The following HBEGF variants were observed in gnomAD, a reference collection of about 807,000 sequenced individuals.
The protein encoded by HBEGF is proheparin-binding EGF-like growth factor.
In HBEGF, 8 loss-of-function variants were observed where a neutral mutation model predicts 19.5. That is an observed-to-expected ratio of 0.41 (90% CI 0.24 to 0.74). HBEGF has a LOEUF of 0.74. Ranked by LOEUF, HBEGF falls within the 30% of genes least tolerant of loss-of-function variation. The pLI is 0.32. For synonymous variants in HBEGF, 97 were observed against 108.9 expected (o/e 0.89, Z 0.68); for missense variants, 207 against 256.9 (o/e 0.81, Z 1.33).
intron 3 of HBEGF, among the ~76,000 whole-genome samples, chr5:140,337,174 A>G (rs1473575461): frequency 6.6e-6 from 1 of 152,228 alleles, no homozygotes; most frequent in Non-Finnish European, 1.5e-5. Flanking sequence ...TGAAGCTCTT[A>G]GAAAGACTCA....
chr5:140,335,829 G>C, intron 4 of HBEGF, 43 bp downstream of exon 4: 2 of 1,601,468 alleles, frequency 1.2e-6, no homozygotes, highest in Non-Finnish European at 1.7e-6. Context: ...GGAAGAAAGG[G>C]AGTGATTTGC....
At position 140,333,016 on chromosome 5, in the gene HBEGF, C is replaced by G. The variant is rs931042878; in HGVS notation, c.*1283G>C. On this transcript the variant is annotated 3_prime_UTR_variant, in exon 6 of 6. Coordinates refer to ENST00000230990, the MANE Select transcript of HBEGF (RefSeq NM_001945.3). The stretch of plus-strand genomic sequence containing the variant: ...GGATTATACAAAGCCTTCCCCACCT[C>G]CAACCTTCTCGGTAGCAATTGGCAG... 2.0e-5 allele frequency: 3 copies of G among 152,592 alleles called. No homozygotes were observed. Among genetic ancestry groups the G allele is most frequent in the African/African-American group, 7.2e-5 (3 of 41,420 alleles). 9.5% of individuals were successfully genotyped at this position (152,592 alleles called of 1,614,324 possible).
intron 2 of HBEGF, 188 bp from the exon 3 acceptor site, chr5:140,343,000 G>C: frequency 1.6e-6 from 1 of 611,202 alleles, no homozygotes; most frequent in South Asian, 2.1e-5. Flanking sequence ...ACCAGAAAGA[G>C]GGAACCTCGG....
Position 140,346,211 on chromosome 5 carries a change from C to G in HBEGF, c.46+72G>C. ...GTGGCCCGTGCCGGGTGCGCTGCGG[C>G]GACCTTCCCCCATGCCCCCAGCACA... On this transcript the variant is annotated intron_variant, in intron 1 of 5. Coordinates refer to ENST00000230990, the MANE Select transcript of HBEGF (RefSeq NM_001945.3). The surrounding 1 kb of genome is among the most constrained non-coding windows in gnomAD (Gnocchi z 6.1). 2 of 1,556,500 alleles carry G rather than the reference C, an allele frequency of 1.3e-6. No homozygotes were observed. The highest frequency in any genetic ancestry group is 1.2e-5 in the South Asian group (1 of 85,886).
At chr5:140,344,094 T>C (rs879853432) in intron 2 of HBEGF, among the ~76,000 whole-genome samples, 5 of 151,056 alleles carry the variant, frequency 3.3e-5, no homozygotes, top group East Asian at 1.9e-4. Context: ...GCTGAGATCG[T>C]GCCATTGCAC....
intron 4 of HBEGF, 44 bp from the exon 5 acceptor site, chr5:140,334,792 A>G (rs369906951): frequency 1.7e-4 from 247 of 1,438,216 alleles, no homozygotes; most frequent in Middle Eastern, 8.7e-4. Context: ...CTGCTATGAC[A>G]AAGTGCAGGT....
intron 3 of HBEGF, among the ~76,000 whole-genome samples, chr5:140,339,613 C>T (rs553806568): frequency 1.3e-3 from 201 of 152,164 alleles, no homozygotes; most frequent in African/African-American, 4.3e-3. Context: ...AGGCTGGTCT[C>T]GAACTCCTGA....
rs1766395031 is a variant in HBEGF, at chr5:140,346,072, A to C, written c.59T>G (p.Leu20Arg). The C allele has an allele frequency of 6.2e-7, 1 of 1,612,532 alleles. No homozygotes were observed. The highest frequency in any genetic ancestry group is 1.3e-5 in the African/African-American group (1 of 74,860). The change falls in exon 2 of 6, where the codon CTG becomes CGG. Residue 20 changes from leucine to arginine, a missense_variant. Physicochemically the swap from Leu to Arg is moderately radical, Grantham distance 102. Transcript: ENST00000230990. This position sits in a 1 kb window ranked among gnomAD's most constrained non-coding sequence, Gnocchi z 6.1. ...CCGCTCCAGGCTCTCGCCAGTCACC[A>C]GTGCCGAGAGAACTGCGGGCGAGAG... ...KLFLAAVLSALVTGESLERLR... is the reference protein window; with the variant it reads ...KLFLAAVLSARVTGESLERLR...
chr5:140,338,377 C>T (rs1426492388), intron 3 of HBEGF, among the ~76,000 whole-genome samples: 4 of 152,192 alleles, frequency 2.6e-5, no homozygotes, highest in African/African-American at 7.2e-5. Flanking sequence ...TTAAACACCT[C>T]GCCCAAGGTT....
In HBEGF at chr5:140,346,204, G is replaced by C; in HGVS notation, c.46+79C>G. ...CCACCAAGTGGCCCGTGCCGGGTGC[G>C]CTGCGGCGACCTTCCCCCATGCCCC... On this transcript the variant is annotated intron_variant, in intron 1 of 5. Transcript: ENST00000230990. The surrounding 1 kb of genome is among the most constrained non-coding windows in gnomAD (Gnocchi z 6.1). 3.2e-6 allele frequency: 5 copies of C among 1,554,442 alleles called. No individual in the cohort carries two copies. Among genetic ancestry groups the C allele is most frequent in the Non-Finnish European group, 3.5e-6 (4 of 1,149,886 alleles).
chr5:140,338,542 T>A (rs763983848), intron 3 of HBEGF, among the ~76,000 whole-genome samples: 2 of 152,122 alleles, frequency 1.3e-5, no homozygotes, highest in Non-Finnish European at 2.9e-5. Flanking sequence ...AAGATAGAAA[T>A]AAAGTTTGGC....
In HBEGF at chr5:140,336,019, G is replaced by C. The variant is rs370410558; in HGVS notation, c.407C>G (p.Pro136Arg). ...ATGACACCTCTCTCCATGGTAACCC[G>C]GGTGGCAGCTAGTTCAAGACAGAAC... The part of the protein sequence containing the change: ...ELRAPSCICH[P>R]GYHGERCHGL... The change falls in exon 4 of 6, where the codon CCG becomes CGG. Residue 136 changes from proline (P) to arginine (R), a missense_variant. This residue lies in a region of HBEGF where 77 missense variants were observed against 106.9 expected (regional missense o/e 0.72). Coordinates refer to ENST00000230990, the MANE Select transcript of HBEGF (RefSeq NM_001945.3). 2 of 1,613,688 alleles carry C rather than the reference G, an allele frequency of 1.2e-6. No individual in the cohort carries two copies. Among genetic ancestry groups the C allele is most frequent in the Non-Finnish European group, 1.7e-6 (2 of 1,179,900 alleles).
chr5:140,345,730 G>C (rs1053881268), intron 2 of HBEGF, among the ~76,000 whole-genome samples, 181 bp downstream of exon 2: 4 of 152,100 alleles, frequency 2.6e-5, no homozygotes, highest in Non-Finnish European at 2.9e-5. Context: ...GCAATGACAA[G>C]AGAGAGAGAG....
chr5:140,335,568 C>G (rs1241664983), intron 4 of HBEGF, among the ~76,000 whole-genome samples: 2 of 152,136 alleles, frequency 1.3e-5, no homozygotes, highest in Admixed American at 1.3e-4. Context: ...CATCAAAGAA[C>G]AGCCAGGAGA....
At chr5:140,345,616 T>A (rs999912829) in intron 2 of HBEGF, among the ~76,000 whole-genome samples, 3 of 152,148 alleles carry the variant, frequency 2.0e-5, no homozygotes, top group Non-Finnish European at 4.4e-5. Context: ...CCATTCCTTG[T>A]TCCTATCACC....
intron 2 of HBEGF, 131 bp downstream of exon 2, chr5:140,345,780 C>T: frequency 1.9e-6 from 2 of 1,076,090 alleles, no homozygotes; most frequent in South Asian, 1.4e-5. Context: ...CCCATCAGGC[C>T]GATCAGCTTT....
chr5:140,337,302 G>A (rs1353469993), intron 3 of HBEGF, among the ~76,000 whole-genome samples: 1 of 152,158 alleles, frequency 6.6e-6, no homozygotes, highest in Non-Finnish European at 1.5e-5. Context: ...TTTTCCCAAG[G>A]TCACACAGTA....
chr5:140,340,241 G>C (rs939953560), intron 3 of HBEGF, among the ~76,000 whole-genome samples: 2 of 151,326 alleles, frequency 1.3e-5, no homozygotes, highest in Non-Finnish European at 2.9e-5. Flanking sequence ...AGCCGAGATT[G>C]TGTCACTGCA....
chr5:140,344,099 T>C (rs963228391), intron 2 of HBEGF, among the ~76,000 whole-genome samples: 2 of 151,410 alleles, frequency 1.3e-5, no homozygotes, highest in Non-Finnish European at 2.9e-5. Context: ...GATCGTGCCA[T>C]TGCACTCCAG....
Sources: gnomAD v4.1 joint callset for allele counts (sites outside exome capture counted in the v4.1 genomes callset) on GRCh38, gnomAD v4.1.1 for gene constraint, gnomAD v4.1.1 regional missense constraint, Gnocchi (gnomAD v3.1) non-coding constraint, MANE v1.5 for transcripts, NCBI Gene and HGNC (gene_info 2026-07-23, HGNC 2026-07-21) for gene names.